TRDN: variants seen among roughly 807,000 people sequenced by gnomAD.
TRDN encodes triadin.
In TRDN, 161 loss-of-function variants were observed where a neutral mutation model predicts 149.7. The observed-to-expected ratio is 1.08, with a 90% CI of 0.95 to 1.23. TRDN has a LOEUF of 1.23. TRDN is among the 50% of genes most tolerant of loss of function. TRDN has a pLI of 0.00. For missense variants in TRDN, 896 were observed against 823.5 expected (o/e 1.09, Z -1.08); for synonymous variants, 294 against 250.5 (o/e 1.17, Z -1.64).
chr6:123,416,706 C>T (rs72976545), intron 12 of TRDN, among the ~76,000 whole-genome samples: 56,323 of 147,028 alleles, frequency 0.38, 11,272 homozygotes, highest in Middle Eastern at 0.47. Flanking sequence ...CTCTTTTTTT[C>T]TTTTTTTTTA....
At chr6:123,224,946 T>A (rs1775300772) in intron 38 of TRDN, among the ~76,000 whole-genome samples, 1 of 151,596 alleles carries the variant, frequency 6.6e-6, no homozygotes, top group Non-Finnish European at 1.5e-5. Flanking sequence ...AAGGAAACAA[T>A]GAACAAAATG....
intron 20 of TRDN, among the ~76,000 whole-genome samples, chr6:123,353,055 A>T (rs1038266042): frequency 6.6e-6 from 1 of 151,874 alleles, no homozygotes; most frequent in Non-Finnish European, 1.5e-5. Context: ...ATCATCAGTA[A>T]CCAAAAGGGG....
At chr6:123,478,867 A>G (rs1317567593) in intron 9 of TRDN, among the ~76,000 whole-genome samples, 1 of 152,168 alleles carries the variant, frequency 6.6e-6, no homozygotes, top group Non-Finnish European at 1.5e-5. Context: ...TTATGCTCTC[A>G]GAGGACCCAG....
Position 123,323,517 on chromosome 6 carries a change from G to A in TRDN, c.1472-7022C>T, listed in dbSNP as rs540470953. Reference sequence around the variant, plus strand: ...AATTATGGTTGATAAGTTTCTGTAGGTGTAGTTCTAAAATGGCTCCAGTTT... The same window carrying A: ...AATTATGGTTGATAAGTTTCTGTAGATGTAGTTCTAAAATGGCTCCAGTTT... On this transcript the variant is annotated intron_variant, in intron 23 of 40. Coordinates refer to ENST00000334268, the MANE Select transcript of TRDN (RefSeq NM_006073.4). Among the ~76,000 whole-genome samples, 13 of 152,262 alleles carry A rather than the reference G, an allele frequency of 8.5e-5. No individual in the cohort carries two copies. The South Asian group carries it at 1.0e-3, about 12-fold the overall frequency.
chr6:123,275,685 T>C (rs1777345403), intron 26 of TRDN, among the ~76,000 whole-genome samples: 1 of 152,130 alleles, frequency 6.6e-6, no homozygotes, highest in Admixed American at 6.6e-5. Context: ...TCTAGAATAA[T>C]TTTGAGACAC....
At chr6:123,524,388 A>G (rs1341866228) in intron 5 of TRDN, among the ~76,000 whole-genome samples, 3 of 151,680 alleles carry the variant, frequency 2.0e-5, no homozygotes, top group Admixed American at 1.3e-4. Context: ...TTAATTAACC[A>G]CTTGGGCTCC....
At chr6:123,352,353 C>A in intron 21 of TRDN, 186 bp downstream of exon 21, 1 of 985,032 alleles carries the variant, frequency 1.0e-6, no homozygotes, top group Non-Finnish European at 1.2e-6. Context: ...TTCAGTTACA[C>A]AAAAGAAAGA....
At chr6:123,507,923 A>G (rs1354497454) in intron 7 of TRDN, among the ~76,000 whole-genome samples, 3 of 151,772 alleles carry the variant, frequency 2.0e-5, no homozygotes, top group Admixed American at 6.6e-5. Flanking sequence ...AAAATAACAA[A>G]TTTTCTCTCT....
At chr6:123,400,247 T>C (rs1165850528) in intron 12 of TRDN, among the ~76,000 whole-genome samples, 1 of 149,162 alleles carries the variant, frequency 6.7e-6, no homozygotes, top group African/African-American at 2.5e-5. Context: ...GATTTAGCCA[T>C]ATTCTTCAGT....
intron 22 of TRDN, among the ~76,000 whole-genome samples, chr6:123,336,885 ATAAAT>A (rs1279586005): frequency 2.6e-5 from 4 of 151,686 alleles, no homozygotes; most frequent in African/African-American, 7.3e-5. Flanking sequence ...GTACTACAGA[ATAAAT>A]TATAAATATT....
At chr6:123,393,892 A>G (rs1772610962) in intron 12 of TRDN, among the ~76,000 whole-genome samples, 1 of 152,196 alleles carries the variant, frequency 6.6e-6, no homozygotes, top group Non-Finnish European at 1.5e-5. Context: ...TCATAAGATA[A>G]AGATTCCAAA....
intron 2 of TRDN, among the ~76,000 whole-genome samples, chr6:123,569,873 T>A (rs1263710587): frequency 6.6e-6 from 1 of 152,212 alleles, no homozygotes; most frequent in Non-Finnish European, 1.5e-5. Context: ...CTGGGGATTA[T>A]AATTCATCAT....
chr6:123,280,225 A>G (rs564063327), intron 24 of TRDN, among the ~76,000 whole-genome samples: 1 of 152,234 alleles, frequency 6.6e-6, no homozygotes, highest in Admixed American at 6.6e-5. Flanking sequence ...GGAGTTCTGG[A>G]GATGTGTGGA....
At chr6:123,360,736 A>AGG (rs1450355095) in intron 20 of TRDN, among the ~76,000 whole-genome samples, 1 of 151,052 alleles carries the variant, frequency 6.6e-6, no homozygotes, top group Admixed American at 6.6e-5. Context: ...AGAGAGAGAG[A>AGG]GAGAGACAGG....
intron 1 of TRDN, among the ~76,000 whole-genome samples, chr6:123,571,789 CT>C (rs34666480): frequency 3.3e-5 from 5 of 151,658 alleles, no homozygotes; most frequent in African/African-American, 9.7e-5. Flanking sequence ...TTGTCTTTTA[CT>C]TTTTTTTACT....
chr6:123,466,839 A>G (rs1327055306), intron 9 of TRDN, among the ~76,000 whole-genome samples: 1 of 152,050 alleles, frequency 6.6e-6, no homozygotes, highest in Non-Finnish European at 1.5e-5. Context: ...TCTTCATAGA[A>G]TGGTGCCTGT....
intron 12 of TRDN, among the ~76,000 whole-genome samples, chr6:123,420,873 A>G (rs1164642140): frequency 1.3e-5 from 2 of 152,232 alleles, no homozygotes; most frequent in Non-Finnish European, 2.9e-5. Flanking sequence ...GTTAAATGCC[A>G]AAAGGAAAAT....
chr6:123,532,822 A>G (rs1460260920), intron 4 of TRDN, among the ~76,000 whole-genome samples: 1 of 140,896 alleles, frequency 7.1e-6, no homozygotes, highest in South Asian at 2.5e-4. Flanking sequence ...TGTGACTCCT[A>G]TTATATTACT....
chr6:123,318,407 T>TA (rs1453722209), intron 23 of TRDN, among the ~76,000 whole-genome samples: 1 of 152,006 alleles, frequency 6.6e-6, no homozygotes. Flanking sequence ...GACTGAAACT[T>TA]ACGGAAGTTA....
Sources: gnomAD v4.1 joint callset for allele counts (sites outside exome capture counted in the v4.1 genomes callset) on GRCh38, gnomAD v4.1.1 for gene constraint, MANE v1.5 for transcripts, NCBI Gene and HGNC (gene_info 2026-07-23, HGNC 2026-07-21) for gene names.